The following PCNX1 variants were observed in gnomAD, a reference collection of about 807,000 sequenced individuals.
The protein encoded by PCNX1 is pecanex-like protein 1.
In PCNX1, 78 loss-of-function variants were observed where a neutral mutation model predicts 242.2. The observed-to-expected ratio is 0.32, with a 90% CI of 0.27 to 0.39. The LOEUF (loss-of-function observed/expected upper bound fraction) is 0.39. Ranked by LOEUF, PCNX1 falls within the 10% of genes least tolerant of loss-of-function variation. PCNX1 has a pLI of 1.00. For missense variants in PCNX1, 2,581 were observed against 2,856.5 expected (o/e 0.90, Z 2.20); for synonymous variants, 1,024 against 1,032.9 (o/e 0.99, Z 0.17).
At chr14:71,033,172 T>G (rs1173566608) in intron 16 of PCNX1, among the ~76,000 whole-genome samples, 1 of 152,240 alleles carries the variant, frequency 6.6e-6, no homozygotes, top group Non-Finnish European at 1.5e-5. Flanking sequence ...TTATTCCTCA[T>G]GTATGAGTAG....
intron 1 of PCNX1, among the ~76,000 whole-genome samples, chr14:70,925,568 C>CTTTTTTTTTTT (rs71305848): frequency 9.4e-6 from 1 of 106,918 alleles, no homozygotes; most frequent in African/African-American, 3.7e-5. Flanking sequence ...CTTACCTCAT[C>CTTTTTTTTTTT]TTTTTTTTTT....
intron 1 of PCNX1, among the ~76,000 whole-genome samples, chr14:70,931,064 T>C (rs2056779525): frequency 6.6e-6 from 1 of 152,186 alleles, no homozygotes; most frequent in Admixed American, 6.5e-5. Context: ...TCTAAATTTA[T>C]AGGTAATATT....
At chr14:71,005,939 T>G (rs1039622894) in intron 8 of PCNX1, among the ~76,000 whole-genome samples, 2 of 151,782 alleles carry the variant, frequency 1.3e-5, no homozygotes, top group African/African-American at 4.8e-5. Flanking sequence ...TTTTTTTTTT[T>G]TGAGACAGGG....
intron 1 of PCNX1, among the ~76,000 whole-genome samples, chr14:70,914,131 A>G (rs2056049203): frequency 6.6e-6 from 1 of 152,192 alleles, no homozygotes; most frequent in Non-Finnish European, 1.5e-5. Flanking sequence ...AGTGGGAGTT[A>G]AACATTTGGA....
At chr14:70,996,782 T>C (rs897413203) in intron 8 of PCNX1, among the ~76,000 whole-genome samples, 4 of 152,182 alleles carry the variant, frequency 2.6e-5, no homozygotes, top group Non-Finnish European at 5.9e-5. Context: ...TTTTTACTTA[T>C]AAACATGATA....
chr14:71,109,953 A>G lies in PCNX1; in HGVS notation c.*18A>G. 6.2e-7 allele frequency: 1 copy of G among 1,611,036 alleles called. No individual in the cohort carries two copies. The highest frequency in any genetic ancestry group is 1.3e-5 in the African/African-American group (1 of 74,958). On this transcript the variant is annotated 3_prime_UTR_variant, in exon 36 of 36. Transcript: ENST00000304743. ...AAGTGTGAGCCAGTGTTTATTATAAAGACATTTCTTTTTCCCTCTCAATTC... is the reference window on the plus strand; with the variant it reads ...AAGTGTGAGCCAGTGTTTATTATAAGGACATTTCTTTTTCCCTCTCAATTC...
chr14:71,038,056 C>T lies in PCNX1; in HGVS notation c.3867+1899C>T, dbSNP rs1203277930. ...CTGAAACTGGATCCCTTCCTTACAC[C>T]TTATACAAAAATCAATTCAAGATGG... On this transcript the variant is annotated intron_variant, in intron 19 of 35. Coordinates refer to ENST00000304743, the MANE Select transcript of PCNX1 (RefSeq NM_014982.3). Among the ~76,000 whole-genome samples the T allele has an allele frequency of 1.1e-4, 6 of 52,392 alleles. No homozygotes were observed. In the East Asian group the frequency reaches 2.8e-3, roughly 24 times the overall value. The allele number at this position is 52,392 out of a possible 152,430, so 34.4% of individuals were successfully genotyped here. A position where few individuals can be genotyped will look rare whatever the true frequency, so the allele number is the denominator to read the frequency against.
In PCNX1 at chr14:70,948,021, C is replaced by T. The variant is rs373255211; in HGVS notation, c.362+898C>T. On this transcript the variant is annotated intron_variant, in intron 2 of 35. Transcript: ENST00000304743. ...TTAGGATTGGGAAATTCCAGCCTGG[C>T]GAAATTGTAGGCAGACTGGTTCTCT... Among the ~76,000 whole-genome samples the T allele has an allele frequency of 3.6e-3, 548 of 152,204 alleles. 2 individuals are homozygous for T. Among genetic ancestry groups the T allele is most frequent in the African/African-American group, 0.013 (528 of 41,512 alleles).
At chr14:70,953,885 C>T (rs935108941) in intron 2 of PCNX1, among the ~76,000 whole-genome samples, 7 of 152,106 alleles carry the variant, frequency 4.6e-5, no homozygotes, top group Admixed American at 4.6e-4. Context: ...CCAGGCTGGT[C>T]TCAAACTCCT....
chr14:70,982,986 G>A (rs140344159), intron 6 of PCNX1, among the ~76,000 whole-genome samples: 18 of 152,300 alleles, frequency 1.2e-4, no homozygotes, highest in Non-Finnish European at 2.4e-4. Flanking sequence ...ATGTGAAAAT[G>A]CTTTATGTAT....
chr14:71,008,537 T>G (rs1371328051), intron 8 of PCNX1, among the ~76,000 whole-genome samples: 3 of 151,588 alleles, frequency 2.0e-5, no homozygotes, highest in Non-Finnish European at 4.4e-5. Flanking sequence ...GCGCCTGTAG[T>G]CCCAGCTACT....
rs186384875 is a variant in PCNX1, at chr14:71,012,703, G to T, written c.2779-282G>T. 3.4e-5 allele frequency: 12 copies of T among 348,632 alleles called. No individual in the cohort carries two copies. In the East Asian group the frequency reaches 9.0e-4, roughly 26 times the overall value. 21.6% of individuals were successfully genotyped at this position (348,632 alleles called of 1,614,324 possible). ...AAAGAATTAGCCGGGCATGGTGGCA[G>T]GTGCCTGTAATCCCAGCTGCTTGGG... On this transcript the variant is annotated intron_variant, in intron 10 of 35. Transcript: ENST00000304743.
At chr14:70,914,242 C>T (rs565555863) in intron 1 of PCNX1, among the ~76,000 whole-genome samples, 76 of 152,274 alleles carry the variant, frequency 5.0e-4, no homozygotes, top group Non-Finnish European at 9.4e-4. Context: ...GTGTTCACTA[C>T]TTGGGTGACA....
chr14:70,949,148 A>G (rs377497336), intron 2 of PCNX1, among the ~76,000 whole-genome samples: 1 of 139,460 alleles, frequency 7.2e-6, no homozygotes, highest in Non-Finnish European at 1.6e-5. Flanking sequence ...ACATATGTAT[A>G]TGTGTATATA....
At chr14:70,947,183 G>A in intron 2 of PCNX1, 60 bp downstream of exon 2, 4 of 1,203,674 alleles carry the variant, frequency 3.3e-6, no homozygotes, top group South Asian at 1.3e-5. Context: ...TCTGTATAAT[G>A]ATGTGATTAT....
intron 2 of PCNX1, among the ~76,000 whole-genome samples, chr14:70,954,360 T>G (rs2057909588): frequency 1.3e-5 from 2 of 152,134 alleles, no homozygotes; most frequent in Admixed American, 6.5e-5. Flanking sequence ...TACCATATTC[T>G]TTTTTAGGAG....
chr14:70,949,897 G>T (rs1156471196), intron 2 of PCNX1, among the ~76,000 whole-genome samples: 1 of 152,220 alleles, frequency 6.6e-6, no homozygotes, highest in African/African-American at 2.4e-5. Context: ...GGTAGATGCT[G>T]TTATTATCCC....
chr14:70,914,700 A>G (rs973255525), intron 1 of PCNX1, among the ~76,000 whole-genome samples: 1 of 152,198 alleles, frequency 6.6e-6, no homozygotes, highest in Non-Finnish European at 1.5e-5. Context: ...TTGTGTCTCT[A>G]TCTGTTTTAT....
chr14:71,004,615 A>T (rs1187219679), intron 8 of PCNX1, among the ~76,000 whole-genome samples: 1 of 152,156 alleles, frequency 6.6e-6, no homozygotes, highest in South Asian at 2.1e-4. Context: ...TATGCCAGAA[A>T]GGTTGGGGGC....
Sources: allele counts gnomAD v4.1 joint callset (sites outside exome capture counted in the v4.1 genomes callset), GRCh38; gene constraint gnomAD v4.1.1; transcripts MANE v1.5; gene names NCBI Gene and HGNC (gene_info 2026-07-23, HGNC 2026-07-21).